The following PTPRK variants were observed in gnomAD, a reference collection of about 807,000 sequenced individuals.
The protein encoded by PTPRK is receptor-type tyrosine-protein phosphatase kappa.
In PTPRK, 75 loss-of-function variants were observed where a neutral mutation model predicts 178.0. The ratio of observed to expected loss-of-function variants is 0.42; its 90% CI spans 0.35 to 0.51. The LOEUF (loss-of-function observed/expected upper bound fraction) is 0.51. PTPRK is among the 20% of genes least tolerant of loss of function. PTPRK has a pLI of 0.02. For missense variants in PTPRK, 1,441 were observed against 1,797.8 expected, an observed-to-expected ratio of 0.80 and a Z score of 3.59; for synonymous variants, 637 against 620.6, an observed-to-expected ratio of 1.03 and a Z score of -0.39.
chr6:128,275,135 A>G (rs1275820174), intron 3 of PTPRK, among the ~76,000 whole-genome samples: 6 of 152,096 alleles, frequency 3.9e-5, no homozygotes, highest in Non-Finnish European at 8.8e-5. Flanking sequence ...CATAACACTT[A>G]TGATATAGGT....
chr6:128,388,252 T>G (rs1338267215), intron 2 of PTPRK, among the ~76,000 whole-genome samples: 1 of 152,204 alleles, frequency 6.6e-6, no homozygotes, highest in Non-Finnish European at 1.5e-5. Flanking sequence ...AACCTCTTTT[T>G]CTTCAGGATA....
intron 1 of PTPRK, among the ~76,000 whole-genome samples, chr6:128,435,835 G>A (rs1047177013): frequency 1.3e-5 from 2 of 152,080 alleles, no homozygotes; most frequent in Non-Finnish European, 2.9e-5. Flanking sequence ...GTTGTTGTGT[G>A]CTTTCTAGTC....
intron 7 of PTPRK, among the ~76,000 whole-genome samples, chr6:128,097,247 G>A (rs955031937): frequency 6.6e-6 from 1 of 152,060 alleles, no homozygotes; most frequent in African/African-American, 2.4e-5. Context: ...GGGATATAAA[G>A]TGACAGAGGG....
At position 128,073,370 on chromosome 6, in the gene PTPRK, T is replaced by TA. The variant is rs546402149; in HGVS notation, c.1883+5442dup. On this transcript the variant is annotated intron_variant, in intron 11 of 29. Coordinates refer to ENST00000368226, the MANE Select transcript of PTPRK (RefSeq NM_002844.4). ...AAGGGATAAGTGCTCTAGAGAAAGA[T>TA]AAAGCAGGCTAAGGGAAAGAGGGAA... Among the ~76,000 whole-genome samples the TA allele has an allele frequency of 1.3e-3, 199 of 152,132 alleles. 1 individual carries two copies. The highest frequency in any genetic ancestry group is 2.0e-3 in the Non-Finnish European group (138 of 67,986).
intron 1 of PTPRK, among the ~76,000 whole-genome samples, chr6:128,418,512 T>C (rs1390033042): frequency 1.3e-5 from 2 of 152,102 alleles, no homozygotes; most frequent in East Asian, 3.9e-4. Context: ...GGGATCTAGG[T>C]TGCAAGCTCC....
intron 10 of PTPRK, 49 bp downstream of exon 10, chr6:128,082,388 C>T (rs940616835): frequency 2.0e-6 from 3 of 1,507,558 alleles, no homozygotes; most frequent in African/African-American, 1.4e-5. Context: ...TGTGCCATTA[C>T]AAACCAATGG....
intron 3 of PTPRK, among the ~76,000 whole-genome samples, chr6:128,320,187 G>A (rs933081709): frequency 1.3e-5 from 2 of 152,124 alleles, no homozygotes; most frequent in Non-Finnish European, 2.9e-5. Flanking sequence ...AACGAAGGGG[G>A]TTTTGTCATG....
At chr6:128,374,689 T>C (rs912243792) in intron 2 of PTPRK, among the ~76,000 whole-genome samples, 4 of 152,146 alleles carry the variant, frequency 2.6e-5, no homozygotes, top group Non-Finnish European at 5.9e-5. Context: ...AACTGCCTAA[T>C]AGCTAGTTTC....
intron 10 of PTPRK, among the ~76,000 whole-genome samples, chr6:128,081,206 T>C (rs1197179020): frequency 6.6e-6 from 1 of 152,084 alleles, no homozygotes; most frequent in African/African-American, 2.4e-5. Context: ...TCTTATTTTC[T>C]GGTAAAGTGA....
At chr6:128,099,041 T>C (rs1374477943) in intron 7 of PTPRK, among the ~76,000 whole-genome samples, 1 of 151,928 alleles carries the variant, frequency 6.6e-6, no homozygotes, top group Admixed American at 6.6e-5. Context: ...TACCAGTAAC[T>C]TACCCCTCCA....
intron 6 of PTPRK, among the ~76,000 whole-genome samples, chr6:128,203,191 TA>T (rs1806285633): frequency 6.6e-6 from 1 of 152,058 alleles, no homozygotes; most frequent in Admixed American, 6.6e-5. Context: ...ATTATCGCAA[TA>T]GATGCAGAAA....
intron 1 of PTPRK, among the ~76,000 whole-genome samples, chr6:128,406,113 A>G (rs1201733798): frequency 3.3e-5 from 5 of 151,998 alleles, no homozygotes; most frequent in Non-Finnish European, 7.4e-5. Flanking sequence ...ATAAAAAAAA[A>G]TTAGCCAAGC....
intron 1 of PTPRK, among the ~76,000 whole-genome samples, chr6:128,412,588 T>G (rs563354478): frequency 1.3e-5 from 2 of 152,148 alleles, no homozygotes; most frequent in Non-Finnish European, 2.9e-5. Context: ...CAAACTAGAA[T>G]GGTAGGCCAG....
At chr6:128,332,034 G>T (rs1012536251) in intron 2 of PTPRK, among the ~76,000 whole-genome samples, 1 of 152,090 alleles carries the variant, frequency 6.6e-6, no homozygotes, top group African/African-American at 2.4e-5. Flanking sequence ...AGTTTCAGTA[G>T]AAAGTAGCAA....
intron 2 of PTPRK, among the ~76,000 whole-genome samples, chr6:128,390,175 C>T (rs1323822654): frequency 1.3e-5 from 2 of 152,152 alleles, no homozygotes; most frequent in Non-Finnish European, 2.9e-5. Context: ...AAATTATTTT[C>T]AAACCCTAGA....
At chr6:128,100,639 C>T (rs1311970001) in intron 7 of PTPRK, among the ~76,000 whole-genome samples, 1 of 151,806 alleles carries the variant, frequency 6.6e-6, no homozygotes. Context: ...TTTCAATATT[C>T]TAATTGATTA....
intron 6 of PTPRK, among the ~76,000 whole-genome samples, chr6:128,185,906 G>A (rs1802678616): frequency 6.6e-6 from 1 of 152,070 alleles, no homozygotes; most frequent in African/African-American, 2.4e-5. Context: ...ACCTTCTTAT[G>A]CAGGTTTAAA....
chr6:128,115,256 C>A (rs1791311426), intron 7 of PTPRK, among the ~76,000 whole-genome samples: 1 of 152,100 alleles, frequency 6.6e-6, no homozygotes, highest in Admixed American at 6.5e-5. Flanking sequence ...ACACATATGT[C>A]CCCTAGGATC....
chr6:128,325,311 A>G (rs1428437199), intron 2 of PTPRK, among the ~76,000 whole-genome samples: 2 of 152,182 alleles, frequency 1.3e-5, no homozygotes, highest in Non-Finnish European at 2.9e-5. Flanking sequence ...AACAAAACCC[A>G]AAATTGACAA....
Sources: gnomAD v4.1 joint callset for allele counts (sites outside exome capture counted in the v4.1 genomes callset) on GRCh38, gnomAD v4.1.1 for gene constraint, MANE v1.5 for transcripts, NCBI Gene and HGNC (gene_info 2026-07-23, HGNC 2026-07-21) for gene names.